Variants in GALNT7 observed in about 807,000 individuals in gnomAD.
The protein encoded by GALNT7 is N-acetylgalactosaminyltransferase 7.
Under a neutral mutation model 82.1 loss-of-function variants are expected in GALNT7, and 60 were observed. That is an observed-to-expected ratio of 0.73 (90% CI 0.59 to 0.91). The LOEUF (loss-of-function observed/expected upper bound fraction) is 0.91. GALNT7 is among the 40% of genes least tolerant of loss of function. The pLI is 0.00. For synonymous variants in GALNT7, 243 were observed against 275.1 expected, an observed-to-expected ratio of 0.88 and a Z score of 1.15; for missense variants, 660 against 804.2, an observed-to-expected ratio of 0.82 and a Z score of 2.17.
At chr4:173,224,776 G>A (rs937436247) in intron 1 of GALNT7, among the ~76,000 whole-genome samples, 1 of 151,886 alleles carries the variant, frequency 6.6e-6, no homozygotes, top group Non-Finnish European at 1.5e-5. Flanking sequence ...ACTTTGGGAG[G>A]CCGAGGCGGG....
In GALNT7 at chr4:173,285,156, A is replaced by G. The variant is rs117451404; in HGVS notation, c.588-6952A>G. Among the ~76,000 whole-genome samples, 91 of 152,356 alleles carry G rather than the reference A, an allele frequency of 6.0e-4. 1 individual carries two copies. In the East Asian group the frequency reaches 0.016, roughly 27 times the overall value. On this transcript the variant is annotated intron_variant, in intron 2 of 11. Coordinates refer to ENST00000265000, the MANE Select transcript of GALNT7 (RefSeq NM_017423.3). Reference sequence around the variant, plus strand: ...TAAGACAATCCTTTATCTCTAGGCAAAATGGACATTTCCATGCCTTCTTAT... The same window carrying G: ...TAAGACAATCCTTTATCTCTAGGCAGAATGGACATTTCCATGCCTTCTTAT...
At chr4:173,255,827 C>T (rs372352710) in intron 2 of GALNT7, among the ~76,000 whole-genome samples, 17 of 152,174 alleles carry the variant, frequency 1.1e-4, no homozygotes, top group East Asian at 1.9e-4. Context: ...GTGTGCATGG[C>T]GGAACACACG....
intron 2 of GALNT7, among the ~76,000 whole-genome samples, chr4:173,265,044 C>T (rs922978324): frequency 2.0e-5 from 3 of 152,186 alleles, no homozygotes; most frequent in Non-Finnish European, 2.9e-5. Context: ...GCAAAACTTG[C>T]GCTTCATGTA....
At chr4:173,177,746 T>G (rs534916371) in intron 1 of GALNT7, among the ~76,000 whole-genome samples, 1 of 152,286 alleles carries the variant, frequency 6.6e-6, no homozygotes, top group African/African-American at 2.4e-5. Context: ...CCTGCTAACC[T>G]AACCAGTAGT....
Position 173,302,131 on chromosome 4 carries a change from T to C in GALNT7, c.1233T>C (p.Ile411=), listed in dbSNP as rs35177744. The C allele has an allele frequency of 4.2e-3, 6,587 of 1,570,530 alleles. 181 individuals are homozygous for C. In the African/African-American group the frequency reaches 0.068, roughly 16 times the overall value. ...ELGLYDPGLQ[I]WGGENFEISY... is the part of the protein sequence containing the mutation. ...GTCTCTATGATCCAGGTCTCCAGAT[T>C]TGGGGTGGTGAAAACTTTGAGATCT... Residue 411 remains isoleucine (I), a synonymous_variant, in exon 7 of 12, where the codon ATT becomes ATC. Coordinates refer to ENST00000265000, the MANE Select transcript of GALNT7 (RefSeq NM_017423.3). The surrounding 1 kb of genome is among the most constrained non-coding windows in gnomAD (Gnocchi z 4.2).
chr4:173,249,966 G>A (rs993838040), intron 2 of GALNT7, among the ~76,000 whole-genome samples: 1 of 152,156 alleles, frequency 6.6e-6, no homozygotes, highest in Admixed American at 6.5e-5. Flanking sequence ...ATGACTGGTG[G>A]CATTTCATCA....
intron 1 of GALNT7, among the ~76,000 whole-genome samples, chr4:173,175,133 T>TCC (rs1326588662): frequency 1.3e-5 from 2 of 152,234 alleles, no homozygotes; most frequent in African/African-American, 4.8e-5. Flanking sequence ...ATTATTCAGC[T>TCC]CCTAACTAGA....
intron 1 of GALNT7, among the ~76,000 whole-genome samples, chr4:173,219,391 T>C (rs2126685453): frequency 6.6e-6 from 1 of 152,268 alleles, no homozygotes. Context: ...TATCCACTCG[T>C]TGATTGATGG....
At chr4:173,217,155 A>G (rs1733496549) in intron 1 of GALNT7, among the ~76,000 whole-genome samples, 2 of 152,134 alleles carry the variant, frequency 1.3e-5, no homozygotes, top group African/African-American at 4.8e-5. Context: ...ATACATGGTC[A>G]CTTTGCCCAG....
At chr4:173,313,513 A>G (rs1417709185) in intron 8 of GALNT7, among the ~76,000 whole-genome samples, 6 of 151,362 alleles carry the variant, frequency 4.0e-5, no homozygotes, top group Non-Finnish European at 5.9e-5. Context: ...TGAAGCTGCA[A>G]TGAGCCAAGA....
At chr4:173,182,179 T>C (rs1017985337) in intron 1 of GALNT7, among the ~76,000 whole-genome samples, 1 of 152,240 alleles carries the variant, frequency 6.6e-6, no homozygotes, top group Non-Finnish European at 1.5e-5. Context: ...CAGGTACTTA[T>C]GTTTAAAAAT....
At chr4:173,201,885 A>T (rs540629660) in intron 1 of GALNT7, among the ~76,000 whole-genome samples, 20 of 152,294 alleles carry the variant, frequency 1.3e-4, no homozygotes, top group African/African-American at 4.6e-4. Flanking sequence ...CTTAGATTTT[A>T]TAGTTTTGAA....
intron 2 of GALNT7, among the ~76,000 whole-genome samples, chr4:173,286,645 G>A (rs561910014): frequency 6.6e-6 from 1 of 152,316 alleles, no homozygotes; most frequent in Admixed American, 6.5e-5. Flanking sequence ...GGGGGTTGAT[G>A]CTTTAAGTAA....
In GALNT7 at chr4:173,302,870, A is replaced by G. The variant is rs922267018; in HGVS notation, c.1266+706A>G. 6.6e-6 allele frequency among the ~76,000 whole-genome samples: 1 copy of G among 152,262 alleles called. No individual in the cohort carries two copies. Among genetic ancestry groups the G allele is most frequent in the African/African-American group, 2.4e-5 (1 of 41,472 alleles). ...AGATATTAGAATTATACTTAAATTC[A>G]TAATACAAGAAGGCAGAATGGCATT... On this transcript the variant is annotated intron_variant, in intron 7 of 11. Transcript: ENST00000265000. The surrounding 1 kb of genome is among the most constrained non-coding windows in gnomAD (Gnocchi z 4.2).
At chr4:173,276,349 A>G (rs977427686) in intron 2 of GALNT7, among the ~76,000 whole-genome samples, 1 of 152,186 alleles carries the variant, frequency 6.6e-6, no homozygotes, top group African/African-American at 2.4e-5. Flanking sequence ...TATAGGCTTA[A>G]TTTTGACCTT....
At chr4:173,295,947 G>A (rs1268723424) in intron 5 of GALNT7, 104 bp downstream of exon 5, 6 of 746,784 alleles carry the variant, frequency 8.0e-6, no homozygotes, top group African/African-American at 5.2e-5. Flanking sequence ...TCAGTGCATC[G>A]AGTGTGCTTT....
rs1256085310 is a variant in GALNT7 at position 173,292,481 on chromosome 4, T to C, written c.754+207T>C. Reference sequence around the variant, plus strand: ...AATCCTTTCAGTGGATATCATTATGTCCATTTTACACGCTCAGAGATGTAC... The same window carrying C: ...AATCCTTTCAGTGGATATCATTATGCCCATTTTACACGCTCAGAGATGTAC... On this transcript the variant is annotated intron_variant, in intron 3 of 11. Transcript: ENST00000265000. The surrounding 1 kb of genome is among the most constrained non-coding windows in gnomAD (Gnocchi z 4.8). Among the ~76,000 whole-genome samples the C allele has an allele frequency of 3.9e-5, 6 of 152,232 alleles. No individual in the cohort carries two copies. The highest frequency in any genetic ancestry group is 8.8e-5 in the Non-Finnish European group (6 of 68,034).
In GALNT7 at chr4:173,302,804, G is replaced by C. The variant is rs1324510740; in HGVS notation, c.1266+640G>C. Among the ~76,000 whole-genome samples, 1 of 152,268 alleles carries C rather than the reference G, an allele frequency of 6.6e-6. No individual in the cohort carries two copies. The highest frequency in any genetic ancestry group is 1.9e-4 in the East Asian group (1 of 5,204). On this transcript the variant is annotated intron_variant, in intron 7 of 11. Coordinates refer to ENST00000265000, the MANE Select transcript of GALNT7 (RefSeq NM_017423.3). The surrounding 1 kb of genome is among the most constrained non-coding windows in gnomAD (Gnocchi z 4.2). ...GTGCGTAGCACTGTGAGGGATAGAA[G>C]AGGAGTAAACCAGTTGTTGCTCTCA...
chr4:173,279,434 A>C (rs1187772504), intron 2 of GALNT7, among the ~76,000 whole-genome samples: 2 of 152,202 alleles, frequency 1.3e-5, no homozygotes, highest in Non-Finnish European at 2.9e-5. Context: ...ACTGGGGACT[A>C]CATTTTAACA....
Sources: allele counts gnomAD v4.1 joint callset (sites outside exome capture counted in the v4.1 genomes callset), GRCh38; gene constraint gnomAD v4.1.1; non-coding constraint Gnocchi (gnomAD v3.1); transcripts MANE v1.5; gene names NCBI Gene and HGNC (gene_info 2026-07-23, HGNC 2026-07-21).